Variants in OTUD7A observed in about 807,000 individuals in gnomAD.
The protein encoded by OTUD7A is OTU domain-containing protein 7A.
A neutral mutation model predicts 65.7 loss-of-function variants in OTUD7A; 12 were observed. The ratio of observed to expected loss-of-function variants is 0.18; its 90% CI spans 0.12 to 0.30. OTUD7A has a LOEUF of 0.30. Among genes scored for constraint, OTUD7A ranks in the 10% least tolerant of loss-of-function variants. The pLI, the probability that OTUD7A is intolerant of heterozygous loss-of-function variation, is 1.00. For synonymous variants in OTUD7A, 641 were observed against 586.3 expected, an observed-to-expected ratio of 1.09 and a Z score of -1.35; for missense variants, 1,148 against 1,304.8, an observed-to-expected ratio of 0.88 and a Z score of 1.85.
At position 31,793,151 on chromosome 15, in the gene OTUD7A, G is replaced by A. The variant is rs549305025; in HGVS notation, c.-100+77356C>T. Among the ~76,000 whole-genome samples the A allele has an allele frequency of 5.9e-5, 9 of 152,166 alleles. No homozygotes were observed. The East Asian group carries it at 7.7e-4, about 13-fold the overall frequency. ...TCCCAACCCCCCATGCACCTTCCCC[G>A]GAAGCAGCAGGAATGTCCTTTCTGA... On this transcript the variant is annotated intron_variant, in intron 1 of 12. Transcript: ENST00000307050.
At chr15:31,672,686 T>G (rs1892510612) in intron 1 of OTUD7A, among the ~76,000 whole-genome samples, 2 of 152,170 alleles carry the variant, frequency 1.3e-5, no homozygotes, top group Admixed American at 6.5e-5. Flanking sequence ...TGGAACGGGG[T>G]GTCTTCAAAA....
At chr15:31,718,824 C>T (rs1353040736) in intron 1 of OTUD7A, among the ~76,000 whole-genome samples, 2 of 150,082 alleles carry the variant, frequency 1.3e-5, no homozygotes, top group African/African-American at 2.4e-5. Context: ...GTTTGTGATT[C>T]ACATTTCTTT....
intron 1 of OTUD7A, among the ~76,000 whole-genome samples, chr15:31,819,648 T>A (rs1017401832): frequency 3.3e-5 from 5 of 152,136 alleles, no homozygotes. Flanking sequence ...TAATCATATG[T>A]GTATAATTCA....
intron 5 of OTUD7A, among the ~76,000 whole-genome samples, chr15:31,548,004 G>A (rs914446954): frequency 1.3e-5 from 2 of 152,232 alleles, no homozygotes; most frequent in Non-Finnish European, 2.9e-5. Flanking sequence ...CTGCCGCAAG[G>A]TAGGCTTCTT....
chr15:31,719,585 G>A (rs570768346), intron 1 of OTUD7A, among the ~76,000 whole-genome samples: 27 of 152,272 alleles, frequency 1.8e-4, no homozygotes, highest in African/African-American at 6.0e-4. Flanking sequence ...CTCAAGCACC[G>A]TCATTCCTCC....
chr15:31,637,021 G>A (rs551319957), intron 3 of OTUD7A, among the ~76,000 whole-genome samples: 1 of 152,318 alleles, frequency 6.6e-6, no homozygotes, highest in East Asian at 1.9e-4. Context: ...AGTGCTGATG[G>A]AGAAGCTGCA....
chr15:31,784,881 G>C (rs1395881223), intron 1 of OTUD7A, among the ~76,000 whole-genome samples: 1 of 152,180 alleles, frequency 6.6e-6, no homozygotes, highest in Non-Finnish European at 1.5e-5. Flanking sequence ...GTGTTTTATT[G>C]AGAAAGAGTA....
chr15:31,749,682 C>T (rs192873103), intron 1 of OTUD7A, among the ~76,000 whole-genome samples: 3 of 152,214 alleles, frequency 2.0e-5, no homozygotes, highest in African/African-American at 7.2e-5. Context: ...TCGTATTCAA[C>T]ATAGTGCTGG....
In OTUD7A at chr15:31,475,907, G is replaced by C. The variant is rs1294398498; in HGVS notation, c.*7387C>G. 3.9e-5 allele frequency: 6 copies of C among 152,196 alleles called. No individual in the cohort carries two copies. Among genetic ancestry groups the C allele is most frequent in the Admixed American group, 2.6e-4 (4 of 15,282 alleles). The allele number at this position is 152,196 out of a possible 1,614,324, so 9.4% of individuals were successfully genotyped here. A position where few individuals can be genotyped will look rare whatever the true frequency, so the allele number is the denominator to read the frequency against. On this transcript the variant is annotated 3_prime_UTR_variant, in exon 13 of 13. Transcript: ENST00000307050. ...AAAGAAACCAAAAAAGAAAAAAGAG[G>C]AACATTCACTGACTTCATTAGGCCA...
intron 3 of OTUD7A, among the ~76,000 whole-genome samples, chr15:31,619,891 T>C (rs1323194602): frequency 6.6e-6 from 1 of 152,236 alleles, no homozygotes. Context: ...CAGTATGATA[T>C]TGGCTGTGGG....
chr15:31,667,571 C>A (rs1431045383), intron 1 of OTUD7A, among the ~76,000 whole-genome samples: 1 of 152,056 alleles, frequency 6.6e-6, no homozygotes, highest in Non-Finnish European at 1.5e-5. Context: ...TTGGTGAGTT[C>A]TTATTTATTT....
chr15:31,622,913 T>C (rs897216519), intron 3 of OTUD7A, among the ~76,000 whole-genome samples: 3 of 152,234 alleles, frequency 2.0e-5, no homozygotes, highest in African/African-American at 7.2e-5. Flanking sequence ...CTCTGGTCTT[T>C]GATGATGGTG....
At chr15:31,673,777 G>A (rs1004390296) in intron 1 of OTUD7A, among the ~76,000 whole-genome samples, 15 of 152,200 alleles carry the variant, frequency 9.9e-5, no homozygotes, top group African/African-American at 3.1e-4. Context: ...TAATGGGTCA[G>A]CCTCTTTTCC....
At position 31,476,376 on chromosome 15, in the gene OTUD7A, G is replaced by T. The variant is rs1023668087; in HGVS notation, c.*6918C>A. 1 of 152,324 alleles carries T rather than the reference G, an allele frequency of 6.6e-6. No individual in the cohort carries two copies. Among genetic ancestry groups the T allele is most frequent in the African/African-American group, 2.4e-5 (1 of 41,458 alleles). 9.4% of individuals were successfully genotyped at this position (152,324 alleles called of 1,614,324 possible). A position where few individuals can be genotyped will look rare whatever the true frequency, so the allele number is the denominator to read the frequency against. On this transcript the variant is annotated 3_prime_UTR_variant, in exon 13 of 13. Transcript: ENST00000307050. ...CTGCCAAGTCATCATTCCGTATCAG[G>T]TGTTTGGATTCCATTCCTGCAAGCG...
At chr15:31,536,938 T>C (rs72726914) in intron 5 of OTUD7A, among the ~76,000 whole-genome samples, 4,772 of 152,290 alleles carry the variant, frequency 0.031, 107 homozygotes, top group Non-Finnish European at 0.047. Context: ...AGGGTGATTC[T>C]ACTTAACAAA....
At chr15:31,636,353 A>C (rs1420129548) in intron 3 of OTUD7A, among the ~76,000 whole-genome samples, 1 of 152,218 alleles carries the variant, frequency 6.6e-6, no homozygotes, top group African/African-American at 2.4e-5. Flanking sequence ...TGTTGTAATT[A>C]CAACAGTTCT....
rs895261195 is a variant in OTUD7A, at chr15:31,501,770, G to A, written c.1091C>T (p.Ser364Leu). Residue 364 changes from serine to leucine, a missense_variant, in exon 10 of 13, where the codon TCG (serine) becomes TTG (leucine). By Grantham distance (145) the Ser-to-Leu change is moderately radical (BLOSUM62 -2). Transcript: ENST00000307050. Reference sequence around the variant, plus strand: ...TTGATCATAGGCCAGAACCAGAGGCGAGCAGTGGCATCTGTTGGGAGGGAC... The same window carrying A: ...TTGATCATAGGCCAGAACCAGAGGCAAGCAGTGGCATCTGTTGGGAGGGAC... Reference protein sequence around the residue: ...LEVPPNRCHCSPLVLAYDQAH... With the variant: ...LEVPPNRCHCLPLVLAYDQAH... The A allele has an allele frequency of 5.6e-6, 9 of 1,614,142 alleles. No individual in the cohort carries two copies. Among genetic ancestry groups the A allele is most frequent in the Admixed American group, 1.7e-5 (1 of 60,018 alleles).
At chr15:31,598,844 G>A (rs888631565) in intron 3 of OTUD7A, among the ~76,000 whole-genome samples, 1 of 152,182 alleles carries the variant, frequency 6.6e-6, no homozygotes, top group Non-Finnish European at 1.5e-5. Context: ...CCATTGCTGA[G>A]GCTTGAGTAG....
chr15:31,567,066 G>A (rs1888899215), intron 4 of OTUD7A, among the ~76,000 whole-genome samples: 1 of 152,210 alleles, frequency 6.6e-6, no homozygotes, highest in African/African-American at 2.4e-5. Context: ...CTTTGGAACT[G>A]GGTAATGGGC....
Sources: allele counts gnomAD v4.1 joint callset (sites outside exome capture counted in the v4.1 genomes callset), GRCh38; gene constraint gnomAD v4.1.1; transcripts MANE v1.5; gene names NCBI Gene and HGNC (gene_info 2026-07-23, HGNC 2026-07-21).